The following HFM1 variants were observed in gnomAD, a reference collection of about 807,000 sequenced individuals.
HFM1 encodes the protein helicase for meiosis 1.
In HFM1, 169 loss-of-function variants were observed where a neutral mutation model predicts 192.1. That is an observed-to-expected ratio of 0.88 (90% CI 0.78 to 1.00). The LOEUF (loss-of-function observed/expected upper bound fraction) is 1.00. HFM1 is among the 50% of genes least tolerant of loss of function. The pLI is 0.00. For missense variants in HFM1, 1,661 were observed against 1,668.0 expected (o/e 1.00, Z 0.07); for synonymous variants, 525 against 537.8 (o/e 0.98, Z 0.33).
intron 13 of HFM1, among the ~76,000 whole-genome samples, chr1:91,369,191 G>T (rs187249604): frequency 1.1e-3 from 172 of 152,192 alleles, no homozygotes; most frequent in Non-Finnish European, 2.2e-3. Flanking sequence ...ACAGATCAAC[G>T]AGACAGAACA....
chr1:91,342,636 C>T (rs1177012477), intron 20 of HFM1, among the ~76,000 whole-genome samples: 1 of 152,096 alleles, frequency 6.6e-6, no homozygotes. Context: ...TATAAAGGCC[C>T]CCATGTCACA....
chr1:91,322,492 T>A (rs1350123291), intron 23 of HFM1, among the ~76,000 whole-genome samples: 1 of 152,176 alleles, frequency 6.6e-6, no homozygotes, highest in African/African-American at 2.4e-5. Flanking sequence ...ACTCTTTCAA[T>A]TACTAGTCTC....
At chr1:91,277,527 GTA>G (rs1309309680) in intron 30 of HFM1, among the ~76,000 whole-genome samples, 1 of 97,282 alleles carries the variant, frequency 1.0e-5, no homozygotes, top group Non-Finnish European at 2.1e-5. Flanking sequence ...GTGTGTGTGT[GTA>G]TACTTTATAT....
chr1:91,336,205 G>C (rs945231081), intron 20 of HFM1, among the ~76,000 whole-genome samples: 2 of 147,088 alleles, frequency 1.4e-5, no homozygotes, highest in Non-Finnish European at 3.0e-5. Context: ...TGCAGGCTAA[G>C]ATCTATCTCT....
rs2100696117 is a variant in HFM1 at position 91,266,434 on chromosome 1, C to G, written c.3884-327G>C. The stretch of plus-strand genomic sequence containing the variant: ...CACCCAGCTGGTATTCACTGTGGAA[C>G]TGATTGCTTGCTTGGCGTGTGGGAA... On this transcript the variant is annotated intron_variant, in intron 35 of 38. Transcript: ENST00000370425. Among the ~76,000 whole-genome samples the G allele has an allele frequency of 2.0e-5, 3 of 152,280 alleles. No homozygotes were observed. The Middle Eastern group carries it at 0.01, about 518-fold the overall frequency.
At chr1:91,400,227 T>C in intron 2 of HFM1, among the ~76,000 whole-genome samples, 1 of 152,184 alleles carries the variant, frequency 6.6e-6, no homozygotes. Context: ...TAAAAGCCAG[T>C]ATTTAACATA....
intron 34 of HFM1, among the ~76,000 whole-genome samples, chr1:91,270,574 T>TAA (rs55948138): frequency 8.7e-5 from 9 of 102,990 alleles, no homozygotes; most frequent in South Asian, 2.9e-4. Flanking sequence ...GTGAGAAGAA[T>TAA]AAAAAAAAAA....
intron 32 of HFM1, 90 bp from the exon 33 acceptor site, chr1:91,274,899 A>C: frequency 1.7e-6 from 1 of 574,448 alleles, no homozygotes; most frequent in Non-Finnish European, 3.1e-6. Context: ...CTGCTGGTAC[A>C]TAAAGTCCCC....
chr1:91,303,399 C>T (rs1057420788), intron 30 of HFM1, among the ~76,000 whole-genome samples: 1 of 152,146 alleles, frequency 6.6e-6, no homozygotes, highest in Non-Finnish European at 1.5e-5. Flanking sequence ...CCACATTTTG[C>T]TTATCTATTC....
Position 91,350,740 on chromosome 1 carries a change from T to C in HFM1, c.2204A>G (p.Tyr735Cys). Residue 735 changes from tyrosine to cysteine, a missense_variant and splice_region_variant, in exon 18 of 39, where the codon TAT becomes TGT. Physicochemically the swap from Tyr to Cys is radical, Grantham distance 194 (BLOSUM62 -2). Coordinates refer to ENST00000370425, the MANE Select transcript of HFM1 (RefSeq NM_001017975.6). ...YIRALKNPSHYGFASGLNKDG... is the reference protein window; with the variant it reads ...YIRALKNPSHCGFASGLNKDG... ...TTTTCCAAGTCAAAGTAACAAACCA[T>C]AATGAGATGGATTTTTCAAGGCTCT... The C allele has an allele frequency of 1.2e-6, 2 of 1,610,776 alleles. No homozygotes were observed. The highest frequency in any genetic ancestry group is 1.3e-5 in the African/African-American group (1 of 74,950).
intron 20 of HFM1, chr1:91,328,690 C>A: frequency 1.3e-6 from 2 of 1,599,298 alleles, no homozygotes; most frequent in Non-Finnish European, 1.7e-6. Context: ...CAGTGAACTG[C>A]GGGGCTGAGG....
chr1:91,367,564 T>C (rs1303890262), intron 13 of HFM1, among the ~76,000 whole-genome samples: 1 of 152,046 alleles, frequency 6.6e-6, no homozygotes, highest in East Asian at 1.9e-4. Context: ...GAAGGAAAAC[T>C]AACAAACAGA....
Position 91,277,038 on chromosome 1 carries a change from C to G in HFM1, c.3416G>C (p.Gly1139Ala). Residue 1139 changes from glycine (G) to alanine (A), a missense_variant, in exon 31 of 39, where the codon GGG (glycine) becomes GCG (alanine). By Grantham distance (60) the Gly-to-Ala change is moderately conservative. Transcript: ENST00000370425. ...ACAAAGATGATTGCATTCTCGGTTC[C>G]CAGGTTTTTTGCTGGCAGTCGTTCC... ...NKGTTASKKP[G>A]NRECNHLCKS... The G allele has an allele frequency of 6.3e-7, 1 of 1,595,636 alleles. No homozygotes were observed. The highest frequency in any genetic ancestry group is 2.3e-5 in the East Asian group (1 of 44,056).
intron 34 of HFM1, among the ~76,000 whole-genome samples, chr1:91,270,008 G>A (rs1666126510): frequency 1.3e-5 from 2 of 151,876 alleles, no homozygotes; most frequent in South Asian, 4.2e-4. Flanking sequence ...TTTGTTTTTT[G>A]TTTTTCTTAT....
At chr1:91,296,136 G>A (rs532349500) in intron 30 of HFM1, among the ~76,000 whole-genome samples, 72 of 152,044 alleles carry the variant, frequency 4.7e-4, no homozygotes, top group Non-Finnish European at 9.4e-4. Flanking sequence ...AGCCAGGATG[G>A]ACTCAATCTC....
At chr1:91,353,672 A>C (rs977027325) in intron 13 of HFM1, among the ~76,000 whole-genome samples, 8 of 147,410 alleles carry the variant, frequency 5.4e-5, no homozygotes, top group Admixed American at 3.4e-4. Context: ...AAAAAAAAAA[A>C]CATGGAAATA....
chr1:91,276,219 T>C (rs1481926279), intron 32 of HFM1, among the ~76,000 whole-genome samples: 1 of 152,216 alleles, frequency 6.6e-6, no homozygotes, highest in Non-Finnish European at 1.5e-5. Context: ...AATCCTTTCT[T>C]GGTCCATCAA....
chr1:91,363,756 T>C (rs1471451893), intron 13 of HFM1, among the ~76,000 whole-genome samples: 1 of 152,208 alleles, frequency 6.6e-6, no homozygotes, highest in Non-Finnish European at 1.5e-5. Context: ...TGCAGCATTA[T>C]TCACAATAGC....
At chr1:91,380,661 G>A (rs1661449424) in intron 7 of HFM1, among the ~76,000 whole-genome samples, 2 of 152,158 alleles carry the variant, frequency 1.3e-5, no homozygotes, top group Admixed American at 1.3e-4. Flanking sequence ...GGCTGAGGCA[G>A]GAAAATCGCT....
Sources: gnomAD v4.1 joint callset for allele counts (sites outside exome capture counted in the v4.1 genomes callset) on GRCh38, gnomAD v4.1.1 for gene constraint, MANE v1.5 for transcripts, NCBI Gene and HGNC (gene_info 2026-07-23, HGNC 2026-07-21) for gene names.